The following RAP1GAP2 variants were observed in gnomAD, a reference collection of about 807,000 sequenced individuals.
The protein encoded by RAP1GAP2 is rap1 GTPase-activating protein 2.
Under a neutral mutation model 95.0 loss-of-function variants are expected in RAP1GAP2, and 27 were observed. The observed-to-expected ratio is 0.28, with a 90% confidence interval of 0.21 to 0.39. The LOEUF is 0.39. Among genes scored for constraint, RAP1GAP2 ranks in the 10% least tolerant of loss-of-function variants. RAP1GAP2 has a pLI of 1.00. For synonymous variants in RAP1GAP2, 373 were observed against 380.9 expected (o/e 0.98, Z 0.24); for missense variants, 771 against 970.0 (o/e 0.79, Z 2.72).
chr17:2,961,206 A>G (rs1018364691), intron 4 of RAP1GAP2, among the ~76,000 whole-genome samples: 1 of 135,816 alleles, frequency 7.4e-6, no homozygotes, highest in Non-Finnish European at 1.6e-5. Flanking sequence ...AACAAGAATG[A>G]AACTCCATCT....
rs375533853 is a variant in RAP1GAP2 at position 2,771,498 on chromosome 17, TG to T, written c.167+1054del. On this transcript the variant is annotated intron_variant, in intron 2 of 25. Transcript: ENST00000637138. ...AAGCCACTTTTTTGTTTTTTTTTTT[TG>T]TTTTTTTTTTTTAGATAGAGTTTTG... Among the ~76,000 whole-genome samples the T allele has an allele frequency of 5.7e-3, 838 of 145,968 alleles. 5 individuals carry two copies. Among genetic ancestry groups the T allele is most frequent in the African/African-American group, 0.02 (754 of 36,962 alleles).
At chr17:2,821,099 T>C (rs1237019840) in intron 2 of RAP1GAP2, among the ~76,000 whole-genome samples, 1 of 151,980 alleles carries the variant, frequency 6.6e-6, no homozygotes, top group Non-Finnish European at 1.5e-5. Context: ...GAAACCCTCA[T>C]GGCTCCACTG....
chr17:2,763,637 A>G (rs2068224886), intron 1 of RAP1GAP2, among the ~76,000 whole-genome samples: 1 of 152,150 alleles, frequency 6.6e-6, no homozygotes, highest in South Asian at 2.1e-4. Context: ...TGGAGGTTGC[A>G]ATGAGCCGAG....
chr17:2,941,667 G>T (rs539271462), intron 3 of RAP1GAP2, among the ~76,000 whole-genome samples: 1 of 85,918 alleles, frequency 1.2e-5, no homozygotes, highest in African/African-American at 3.3e-5. Flanking sequence ...ATGACTCTTG[G>T]GTTTTTTTTT....
intron 2 of RAP1GAP2, among the ~76,000 whole-genome samples, chr17:2,849,274 C>G (rs58814023): frequency 1.3e-5 from 2 of 152,168 alleles, no homozygotes; most frequent in East Asian, 3.9e-4. Context: ...TGGCCCCCCT[C>G]GCCCCCACCC....
At chr17:2,793,011 G>C (rs2068966904), upstream of RAP1GAP2, among the ~76,000 whole-genome samples, 2 of 152,164 alleles carry the variant, frequency 1.3e-5, no homozygotes, top group Non-Finnish European at 2.9e-5. Flanking sequence ...TGGTCAGTGT[G>C]GGTGGTGAGG....
intron 4 of RAP1GAP2, among the ~76,000 whole-genome samples, chr17:2,962,047 C>T (rs1567827531): frequency 6.6e-6 from 1 of 152,110 alleles, no homozygotes. Context: ...GGATTACAGG[C>T]ATGCGCCACC....
intron 1 of RAP1GAP2, among the ~76,000 whole-genome samples, chr17:2,769,859 G>A (rs2068353303): frequency 6.6e-6 from 1 of 152,038 alleles, no homozygotes; most frequent in Non-Finnish European, 1.5e-5. Flanking sequence ...GATCACTTGA[G>A]GTCAGGAATT....
At chr17:2,820,829 C>T (rs966773522) in intron 2 of RAP1GAP2, among the ~76,000 whole-genome samples, 4 of 150,994 alleles carry the variant, frequency 2.6e-5, no homozygotes. Flanking sequence ...TCAAGCAATT[C>T]TCCTGCCTCA....
chr17:2,814,559 C>T (rs534478375), intron 2 of RAP1GAP2, among the ~76,000 whole-genome samples: 32 of 152,252 alleles, frequency 2.1e-4, no homozygotes, highest in African/African-American at 6.5e-4. Context: ...CCTCCCGCGC[C>T]GTGGGGATCT....
intron 11 of RAP1GAP2, among the ~76,000 whole-genome samples, chr17:2,987,029 G>A (rs2045580182): frequency 6.6e-6 from 1 of 152,172 alleles, no homozygotes; most frequent in Non-Finnish European, 1.5e-5. Context: ...AGACTTCATG[G>A]GCCTTGGAGT....
intron 19 of RAP1GAP2, among the ~76,000 whole-genome samples, chr17:3,022,718 C>T (rs940338101): frequency 6.6e-6 from 1 of 152,168 alleles, no homozygotes; most frequent in African/African-American, 2.4e-5. Flanking sequence ...CTTTGGTGTG[C>T]AGAAGCTTTT....
At position 2,868,826 on chromosome 17, in the gene RAP1GAP2, A is replaced by T. The variant is rs192957200; in HGVS notation, c.81-36458A>T. 3.8e-3 allele frequency among the ~76,000 whole-genome samples: 578 copies of T among 152,256 alleles called. 3 individuals are homozygous for T. The highest frequency in any genetic ancestry group is 0.013 in the African/African-American group (538 of 41,566). ...GAGCCACTGTGCCCGGCCAGAACAG[A>T]TAGTGTTTAATTCCACTTTGTCTGT... On this transcript the variant is annotated intron_variant, in intron 2 of 24. Transcript: ENST00000254695.
At chr17:2,940,257 G>T (rs1053910816) in intron 3 of RAP1GAP2, among the ~76,000 whole-genome samples, 1 of 152,186 alleles carries the variant, frequency 6.6e-6, no homozygotes, top group African/African-American at 2.4e-5. Flanking sequence ...AGGGACAGAG[G>T]GGCCTCTGGG....
At chr17:2,766,681 G>C (rs1253988778) in intron 1 of RAP1GAP2, among the ~76,000 whole-genome samples, 1 of 152,100 alleles carries the variant, frequency 6.6e-6, no homozygotes, top group African/African-American at 2.4e-5. Context: ...GAGATGCTCT[G>C]TGTCCCTGCC....
chr17:2,837,859 G>A (rs947999747), intron 2 of RAP1GAP2, among the ~76,000 whole-genome samples: 1 of 151,406 alleles, frequency 6.6e-6, no homozygotes, highest in East Asian at 1.9e-4. Flanking sequence ...GTCTGCCTTG[G>A]CCTCCCAAAG....
intron 2 of RAP1GAP2, among the ~76,000 whole-genome samples, chr17:2,808,126 C>G (rs1052188350): frequency 1.3e-5 from 2 of 151,966 alleles, no homozygotes; most frequent in South Asian, 2.1e-4. Flanking sequence ...TCCCGTTGTT[C>G]TCACCCTTCT....
intron 19 of RAP1GAP2, among the ~76,000 whole-genome samples, chr17:3,022,384 C>A (rs537185624): frequency 7.9e-5 from 12 of 152,300 alleles, no homozygotes; most frequent in African/African-American, 2.9e-4. Flanking sequence ...CATAGAGTTA[C>A]CATATTACCA....
In RAP1GAP2 at chr17:2,827,160, C is replaced by T. The variant is rs1231820572; in HGVS notation, c.80+26610C>T. ...GTAGCAGAGAAGATGATGCCTTCGG[C>T]CTTGAGTGTGGTGCGTTTGAGGAGC... On this transcript the variant is annotated intron_variant, in intron 2 of 24. Transcript: ENST00000254695. The surrounding 1 kb of genome is among the most constrained non-coding windows in gnomAD (Gnocchi z 4.1). 1.3e-5 allele frequency among the ~76,000 whole-genome samples: 2 copies of T among 152,104 alleles called. No homozygotes were observed. The highest frequency in any genetic ancestry group is 4.8e-5 in the African/African-American group (2 of 41,434).
Sources: gnomAD v4.1 joint callset for allele counts (sites outside exome capture counted in the v4.1 genomes callset) on GRCh38, gnomAD v4.1.1 for gene constraint, Gnocchi (gnomAD v3.1) non-coding constraint, MANE v1.5 for transcripts, NCBI Gene and HGNC (gene_info 2026-07-23, HGNC 2026-07-21) for gene names.